Variants in ST3GAL1 observed in about 807,000 individuals in gnomAD.
The protein encoded by ST3GAL1 is ST3 beta-galactoside alpha-2,3-sialyltransferase 1.
A neutral mutation model predicts 34.1 loss-of-function variants in ST3GAL1; 16 were observed. The ratio of observed to expected loss-of-function variants is 0.47; its 90% CI spans 0.32 to 0.71. ST3GAL1 has a LOEUF of 0.71. Ranked by LOEUF, ST3GAL1 falls within the 30% of genes least tolerant of loss-of-function variation. The pLI is 0.04. For missense variants in ST3GAL1, 353 were observed against 447.4 expected, an observed-to-expected ratio of 0.79 and a Z score of 1.90; for synonymous variants, 191 against 184.7, an observed-to-expected ratio of 1.03 and a Z score of -0.28.
rs1424280800 is a variant in ST3GAL1, at chr8:133,455,102, G to C, written c.*4662C>G. On this transcript the variant is annotated 3_prime_UTR_variant, in exon 10 of 10. Coordinates refer to ENST00000522652, the MANE Select transcript of ST3GAL1 (RefSeq NM_173344.3). Reference sequence around the variant, plus strand: ...GCTCAAGAAACTTTGGCTTTGAAGGGAATTCAGTGAAGGGAAGCGATTGTG... The same window carrying C: ...GCTCAAGAAACTTTGGCTTTGAAGGCAATTCAGTGAAGGGAAGCGATTGTG... 6.6e-6 allele frequency: 1 copy of C among 152,274 alleles called. No homozygotes were observed. Among genetic ancestry groups the C allele is most frequent in the Non-Finnish European group, 1.5e-5 (1 of 68,072 alleles). 9.4% of individuals were successfully genotyped at this position (152,274 alleles called of 1,614,324 possible).
At chr8:133,460,648 G>A (rs1815463128) in intron 9 of ST3GAL1, among the ~76,000 whole-genome samples, 1 of 152,232 alleles carries the variant, frequency 6.6e-6, no homozygotes, top group African/African-American at 2.4e-5. Context: ...CAGCCTTGGA[G>A]CTTATAGCTT....
At chr8:133,540,922 T>TATATAGAC (rs1181669314) in intron 2 of ST3GAL1, among the ~76,000 whole-genome samples, 471 of 37,732 alleles carry the variant, frequency 0.012, 66 homozygotes, top group African/African-American at 0.054. Context: ...TATATAGACA[T>TATATAGAC]ATATATATAG....
intron 3 of ST3GAL1, among the ~76,000 whole-genome samples, chr8:133,496,760 GGGCTCA>G (rs1303428661): frequency 1.3e-5 from 2 of 152,132 alleles, no homozygotes; most frequent in African/African-American, 4.8e-5. Flanking sequence ...CGGCCATAAT[GGGCTCA>G]ATCCTGAACT....
At chr8:133,537,296 AGTCTTCTGGG>A (rs1280288972) in intron 2 of ST3GAL1, among the ~76,000 whole-genome samples, 2 of 136,642 alleles carry the variant, frequency 1.5e-5, no homozygotes, top group Admixed American at 7.2e-5. Flanking sequence ...CTTCCAACCC[AGTCTTCTGGG>A]GTTTTATGGA....
In ST3GAL1 at chr8:133,461,111, C is replaced by A. The variant is rs1240157071; in HGVS notation, c.849+764G>T. Among the ~76,000 whole-genome samples, 1 of 152,138 alleles carries A rather than the reference C, an allele frequency of 6.6e-6. No homozygotes were observed. The highest frequency in any genetic ancestry group is 1.5e-5 in the Non-Finnish European group (1 of 68,006). On this transcript the variant is annotated intron_variant, in intron 9 of 9. Transcript: ENST00000522652. This position sits in a 1 kb window ranked among gnomAD's most constrained non-coding sequence, Gnocchi z 4.7. ...AATGACAGGGGCACCCATGTTTCTACCTGGGAACACCAGGGTGGGGCTGAG... is the reference window on the plus strand; with the variant it reads ...AATGACAGGGGCACCCATGTTTCTAACTGGGAACACCAGGGTGGGGCTGAG...
intron 2 of ST3GAL1, among the ~76,000 whole-genome samples, chr8:133,500,065 T>C (rs1817098734): frequency 6.6e-6 from 1 of 152,230 alleles, no homozygotes; most frequent in Non-Finnish European, 1.5e-5. Context: ...TTCCTAAATC[T>C]TGAATGAGAA....
In ST3GAL1 at chr8:133,480,542, C is replaced by T. The variant is rs551647732; in HGVS notation, c.-373-3942G>A. Among the ~76,000 whole-genome samples, 275 of 152,244 alleles carry T rather than the reference C, an allele frequency of 1.8e-3. 1 individual carries two copies. The highest frequency in any genetic ancestry group is 2.7e-3 in the Non-Finnish European group (182 of 68,020). ...CTGAGCGAACTGTGCAGGCTGTTGG[C>T]AAAATTGACGCTTTCAATACAGAGT... On this transcript the variant is annotated intron_variant, in intron 3 of 9. Coordinates refer to ENST00000522652, the MANE Select transcript of ST3GAL1 (RefSeq NM_173344.3).
At chr8:133,565,588 C>T (rs1381146421) in intron 1 of ST3GAL1, among the ~76,000 whole-genome samples, 1 of 152,172 alleles carries the variant, frequency 6.6e-6, no homozygotes, top group African/African-American at 2.4e-5. Flanking sequence ...ATGCTTCCTG[C>T]TGAACCCCAG....
At chr8:133,498,681 G>C (rs1298142106) in intron 3 of ST3GAL1, among the ~76,000 whole-genome samples, 1 of 152,238 alleles carries the variant, frequency 6.6e-6, no homozygotes. Context: ...GTGGTGCTGA[G>C]TGAGATTGAG....
chr8:133,488,689 G>A (rs1332235971), intron 3 of ST3GAL1, among the ~76,000 whole-genome samples: 1 of 152,240 alleles, frequency 6.6e-6, no homozygotes, highest in East Asian at 1.9e-4. Flanking sequence ...CTGATGTCTG[G>A]GGGAAGTGGT....
intron 1 of ST3GAL1, among the ~76,000 whole-genome samples, chr8:133,568,924 C>T (rs1021845571): frequency 6.6e-6 from 1 of 152,186 alleles, no homozygotes; most frequent in East Asian, 1.9e-4. Flanking sequence ...GCTTCCAGAT[C>T]AGCGACAGCC....
At chr8:133,553,452 C>G (rs2131090490) in intron 1 of ST3GAL1, among the ~76,000 whole-genome samples, 1 of 152,340 alleles carries the variant, frequency 6.6e-6, no homozygotes, top group African/African-American at 2.4e-5. Context: ...CCTCACTTTA[C>G]CTGCTGTTCA....
intron 2 of ST3GAL1, among the ~76,000 whole-genome samples, chr8:133,513,026 T>C (rs1040974934): frequency 3.0e-4 from 45 of 152,172 alleles, no homozygotes; most frequent in African/African-American, 1.0e-3. Context: ...ACCTGGGGTC[T>C]CACTGGGACT....
In ST3GAL1 at chr8:133,561,182, G is replaced by T. The variant is rs117183481; in HGVS notation, c.-582+10511C>A. 2.7e-3 allele frequency among the ~76,000 whole-genome samples: 366 copies of T among 134,758 alleles called. 2 individuals are homozygous for T. The highest frequency in any genetic ancestry group is 4.9e-3 in the Middle Eastern group (1 of 206). 88.4% of individuals were successfully genotyped at this position (134,758 alleles called of 152,430 possible). A position where few individuals can be genotyped will look rare whatever the true frequency, so the allele number is the denominator to read the frequency against. On this transcript the variant is annotated intron_variant, in intron 1 of 9. Transcript: ENST00000522652. The stretch of plus-strand genomic sequence containing the variant: ...CAAAAAATTTCAAGCAAGATCCCCT[G>T]TTCCCAAACCGTCTGCAAGATTTTC...
intron 3 of ST3GAL1, among the ~76,000 whole-genome samples, chr8:133,486,542 A>G (rs1816607686): frequency 6.6e-6 from 1 of 152,224 alleles, no homozygotes; most frequent in East Asian, 1.9e-4. Context: ...GTTTCCCTCC[A>G]GAAAACATCA....
chr8:133,534,582 G>C (rs1818252686), intron 2 of ST3GAL1, among the ~76,000 whole-genome samples: 4 of 152,336 alleles, frequency 2.6e-5, no homozygotes, highest in African/African-American at 9.6e-5. Flanking sequence ...GGCCTGCATG[G>C]AACGCAGATA....
chr8:133,554,331 T>C (rs756399577), intron 1 of ST3GAL1, among the ~76,000 whole-genome samples: 1 of 152,144 alleles, frequency 6.6e-6, no homozygotes, highest in Non-Finnish European at 1.5e-5. Flanking sequence ...TTGCAGCGAA[T>C]GACATGAATG....
At chr8:133,521,154 G>T (rs1439747061) in intron 2 of ST3GAL1, among the ~76,000 whole-genome samples, 163 of 15,224 alleles carry the variant, frequency 0.011, no homozygotes, top group African/African-American at 0.013. Context: ...TTTTTTTTTT[G>T]AGACAGTCTT....
At chr8:133,533,507 C>T (rs1051237595) in intron 2 of ST3GAL1, among the ~76,000 whole-genome samples, 3 of 152,210 alleles carry the variant, frequency 2.0e-5, no homozygotes, top group Non-Finnish European at 4.4e-5. Context: ...GGAGCGAGTT[C>T]CTCTGTCTGA....
Sources: gnomAD v4.1 joint callset for allele counts (sites outside exome capture counted in the v4.1 genomes callset) on GRCh38, gnomAD v4.1.1 for gene constraint, Gnocchi (gnomAD v3.1) non-coding constraint, MANE v1.5 for transcripts, NCBI Gene and HGNC (gene_info 2026-07-23, HGNC 2026-07-21) for gene names.